XKR4: variants seen among roughly 807,000 people sequenced by gnomAD.
XKR4 encodes XK-related protein 4.
XKR4 carries 12 observed loss-of-function variants against 53.9 expected under a neutral mutation model. The ratio of observed to expected loss-of-function variants is 0.22; its 90% confidence interval spans 0.14 to 0.36. XKR4 has a LOEUF of 0.36. Ranked by LOEUF, XKR4 falls within the 10% of genes least tolerant of loss-of-function variation. The probability of loss-of-function intolerance (pLI) is 1.00; values close to 1 mark genes in which losing one functional copy is unlikely to be tolerated. For synonymous variants in XKR4, 354 were observed against 362.4 expected (o/e 0.98, Z 0.26); for missense variants, 799 against 859.5 (o/e 0.93, Z 0.88).
chr8:55,480,965 C>G lies in XKR4; in HGVS notation c.1007-42316C>G, dbSNP rs1248971731. On this transcript the variant is annotated intron_variant, in intron 2 of 2. Coordinates refer to ENST00000327381, the MANE Select transcript of XKR4 (RefSeq NM_052898.2). ...GAAGAATCCATATCATGAAAATGGA[C>G]ATACTGCACAAGGTAATTTATAGAT... 5.3e-5 allele frequency among the ~76,000 whole-genome samples: 8 copies of G among 152,252 alleles called. 1 individual carries two copies. The East Asian group carries it at 7.7e-4, about 15-fold the overall frequency.
In XKR4 at chr8:55,531,680, A is replaced by G. The variant is rs1806956038; in HGVS notation, c.*7453A>G. On this transcript the variant is annotated 3_prime_UTR_variant, in exon 3 of 3. Coordinates refer to ENST00000327381, the MANE Select transcript of XKR4 (RefSeq NM_052898.2). ...ACAATCATTTTTGGATAAACTTTGA[A>G]GCGATTCTTGAGAACTTATTTCAAG... The G allele has an allele frequency of 1.3e-5, 2 of 152,256 alleles. No homozygotes were observed. Among genetic ancestry groups the G allele is most frequent in the Non-Finnish European group, 2.9e-5 (2 of 68,048 alleles). 9.4% of individuals were successfully genotyped at this position (152,256 alleles called of 1,614,324 possible).
In XKR4 at chr8:55,253,130, G is replaced by GA. The variant is rs1818383601; in HGVS notation, c.807-104545dup. ...TTGAAGAGTTTTGTATGTAGAAACA[G>GA]AAACTGTTTTGAAAATGGAGCATTT... On this transcript the variant is annotated intron_variant, in intron 1 of 2. Transcript: ENST00000327381. Among the ~76,000 whole-genome samples the GA allele has an allele frequency of 2.6e-5, 4 of 152,158 alleles. No individual in the cohort carries two copies. In the South Asian group the frequency reaches 8.3e-4, roughly 32 times the overall value.
chr8:55,479,456 C>T (rs534208400), intron 2 of XKR4, among the ~76,000 whole-genome samples: 2 of 151,550 alleles, frequency 1.3e-5, no homozygotes, highest in Non-Finnish European at 2.9e-5. Context: ...AGGAAAGATC[C>T]AAAATTGACA....
rs572396381 is a variant in XKR4, at chr8:55,339,827, A to G, written c.807-17851A>G. ...AACCACACTGGAAGTTCAGAAAAAG[A>G]ATATAGGAATGTGTTAGATTTTTAC... On this transcript the variant is annotated intron_variant, in intron 1 of 2. Transcript: ENST00000327381. Among the ~76,000 whole-genome samples the G allele has an allele frequency of 3.5e-4, 54 of 152,336 alleles. No homozygotes were observed. The South Asian group carries it at 3.7e-3, about 11-fold the overall frequency.
intron 1 of XKR4, among the ~76,000 whole-genome samples, chr8:55,247,938 C>G (rs1281304518): frequency 1.4e-5 from 2 of 146,902 alleles, no homozygotes; most frequent in African/African-American, 2.5e-5. Context: ...TCACTGCAAC[C>G]TCTGCCTCCC....
At chr8:55,199,109 C>G (rs1287295145) in intron 1 of XKR4, among the ~76,000 whole-genome samples, 1 of 152,138 alleles carries the variant, frequency 6.6e-6, no homozygotes, top group Non-Finnish European at 1.5e-5. Context: ...GAAGTTCTTA[C>G]ATATTAACGC....
At chr8:55,472,374 T>C (rs954074705) in intron 2 of XKR4, among the ~76,000 whole-genome samples, 2 of 152,156 alleles carry the variant, frequency 1.3e-5, no homozygotes, top group Non-Finnish European at 2.9e-5. Flanking sequence ...AAAATGCAAA[T>C]TCAGTCAGAT....
chr8:55,219,284 C>A (rs1470345846), intron 1 of XKR4, among the ~76,000 whole-genome samples: 1 of 152,168 alleles, frequency 6.6e-6, no homozygotes, highest in Non-Finnish European at 1.5e-5. Flanking sequence ...TTGTTCCTTT[C>A]CCATTCAGAA....
intron 2 of XKR4, among the ~76,000 whole-genome samples, chr8:55,512,592 T>A (rs1315210148): frequency 6.6e-6 from 1 of 152,242 alleles, no homozygotes; most frequent in Non-Finnish European, 1.5e-5. Flanking sequence ...TCCATACTGA[T>A]TTTTCAGTTC....
At chr8:55,132,178 C>T (rs1399738996) in intron 1 of XKR4, among the ~76,000 whole-genome samples, 2 of 152,204 alleles carry the variant, frequency 1.3e-5, no homozygotes, top group Non-Finnish European at 2.9e-5. Flanking sequence ...TTCACATTAA[C>T]GATCTCCTTT....
chr8:55,489,532 C>G (rs1382140086), intron 2 of XKR4, among the ~76,000 whole-genome samples: 1 of 151,880 alleles, frequency 6.6e-6, no homozygotes, highest in African/African-American at 2.4e-5. Context: ...GTCCTGGCTC[C>G]TCATGTTGTG....
chr8:55,313,085 A>T (rs1819410006), intron 1 of XKR4, among the ~76,000 whole-genome samples: 2 of 152,152 alleles, frequency 1.3e-5, no homozygotes, highest in Admixed American at 1.3e-4. Context: ...GTTTTATATA[A>T]AGCATCTATA....
intron 2 of XKR4, among the ~76,000 whole-genome samples, chr8:55,360,154 T>A (rs1803878800): frequency 6.6e-6 from 1 of 152,232 alleles, no homozygotes; most frequent in South Asian, 2.1e-4. Context: ...GTTGATCTTA[T>A]TGCTACTGAT....
At chr8:55,452,072 G>A (rs1242407234) in intron 2 of XKR4, 1 of 706,278 alleles carries the variant, frequency 1.4e-6, no homozygotes, top group East Asian at 2.5e-5. Context: ...TGGTGACTCG[G>A]GGTGGCTGGC....
chr8:55,443,839 C>CAAAAAAAAAAAAAAA (rs1159375100), intron 2 of XKR4, among the ~76,000 whole-genome samples: 2 of 21,594 alleles, frequency 9.3e-5, no homozygotes, highest in Non-Finnish European at 1.7e-4. Context: ...AACTCCGTCT[C>CAAAAAAAAAAAAAAA]AAAAAAAAAA....
chr8:55,459,187 T>A (rs983593082), intron 2 of XKR4, among the ~76,000 whole-genome samples: 8 of 152,080 alleles, frequency 5.3e-5, no homozygotes, highest in African/African-American at 1.9e-4. Flanking sequence ...AGGAGAGTAA[T>A]TTCAACAAAT....
chr8:55,178,528 C>T (rs549647437), intron 1 of XKR4, among the ~76,000 whole-genome samples: 96 of 152,288 alleles, frequency 6.3e-4, no homozygotes, highest in African/African-American at 2.2e-3. Flanking sequence ...CTGACCCCAC[C>T]CAGCAGAGGG....
chr8:55,286,062 C>G (rs1451268583), intron 1 of XKR4, among the ~76,000 whole-genome samples: 1 of 152,190 alleles, frequency 6.6e-6, no homozygotes, highest in Non-Finnish European at 1.5e-5. Flanking sequence ...TCGGCTGTAC[C>G]TGGCTTGGGA....
intron 1 of XKR4, among the ~76,000 whole-genome samples, chr8:55,281,114 C>A (rs530033382): frequency 3.9e-5 from 6 of 152,238 alleles, no homozygotes; most frequent in Non-Finnish European, 7.4e-5. Context: ...TCCTTATTTG[C>A]CCCTAGAAAA....
Sources: allele counts gnomAD v4.1 joint callset (sites outside exome capture counted in the v4.1 genomes callset), GRCh38; gene constraint gnomAD v4.1.1; transcripts MANE v1.5; gene names NCBI Gene and HGNC (gene_info 2026-07-23, HGNC 2026-07-21).